Variants in PRKG2 observed in about 807,000 individuals in gnomAD.
The protein encoded by PRKG2 is cGMP-dependent protein kinase 2.
Under a neutral mutation model 97.2 loss-of-function variants are expected in PRKG2, and 33 were observed. The observed-to-expected ratio is 0.34, with a 90% CI of 0.26 to 0.45. The LOEUF (loss-of-function observed/expected upper bound fraction) is 0.45. Ranked by LOEUF, PRKG2 falls within the 20% of genes least tolerant of loss-of-function variation. The pLI is 1.00. For missense variants in PRKG2, 638 were observed against 900.0 expected, an observed-to-expected ratio of 0.71 and a Z score of 3.73; for synonymous variants, 330 against 321.8, an observed-to-expected ratio of 1.03 and a Z score of -0.27.
At chr4:81,176,615 T>C (rs923101427) in intron 2 of PRKG2, among the ~76,000 whole-genome samples, 1 of 152,184 alleles carries the variant, frequency 6.6e-6, no homozygotes, top group African/African-American at 2.4e-5. Context: ...CATATACTAA[T>C]TTTCCAAAGT....
At chr4:81,179,250 C>G (rs556167542) in intron 2 of PRKG2, among the ~76,000 whole-genome samples, 4 of 151,854 alleles carry the variant, frequency 2.6e-5, no homozygotes, top group Non-Finnish European at 4.4e-5. Flanking sequence ...CATATCTAGG[C>G]CTACCATAGT....
upstream of PRKG2, among the ~76,000 whole-genome samples, chr4:81,217,278 TAGC>T (rs987642421): frequency 2.0e-5 from 3 of 151,974 alleles, no homozygotes; most frequent in Non-Finnish European, 2.9e-5. Flanking sequence ...GAATAAAAAA[TAGC>T]AGAGTATGCA....
At chr4:81,115,478 T>C (rs1022144324) in intron 14 of PRKG2, among the ~76,000 whole-genome samples, 6 of 152,198 alleles carry the variant, frequency 3.9e-5, no homozygotes, top group African/African-American at 1.4e-4. Context: ...AGTTTTAGAA[T>C]CAGTTTGCCA....
chr4:81,182,243 A>G (rs1256554432), intron 2 of PRKG2, among the ~76,000 whole-genome samples: 1 of 134,220 alleles, frequency 7.5e-6, no homozygotes, highest in East Asian at 2.5e-4. Flanking sequence ...TCTAGATTAG[A>G]TTGAACATTA....
At position 81,136,565 on chromosome 4, in the gene PRKG2, A is replaced by C. The variant is rs965082199; in HGVS notation, c.1634+828T>G. ...TGTTCACCATCCACAGAGAGACATA[A>C]TACTACCCCAACTTCCCTGCTTTGT... On this transcript the variant is annotated intron_variant, in intron 13 of 18. Transcript: ENST00000264399. Among the ~76,000 whole-genome samples the C allele has an allele frequency of 2.6e-5, 4 of 152,086 alleles. No individual in the cohort carries two copies. In the South Asian group the frequency reaches 8.3e-4, roughly 32 times the overall value.
At chr4:81,147,795 T>TA (rs1439798906) in intron 9 of PRKG2, among the ~76,000 whole-genome samples, 18 of 152,252 alleles carry the variant, frequency 1.2e-4, no homozygotes, top group African/African-American at 4.1e-4. Flanking sequence ...TATTAAGAAT[T>TA]ATTGTTAACA....
At chr4:81,125,121 G>A (rs1255752208) in intron 14 of PRKG2, among the ~76,000 whole-genome samples, 2 of 151,728 alleles carry the variant, frequency 1.3e-5, no homozygotes, top group Non-Finnish European at 2.9e-5. Context: ...TCTTTGTTGG[G>A]TCAATCATAT....
chr4:81,092,597 G>A (rs950746892), intron 17 of PRKG2, 145 bp from the exon 18 acceptor site: 3 of 611,958 alleles, frequency 4.9e-6, no homozygotes, highest in Non-Finnish European at 8.7e-6. Flanking sequence ...GCTTTAAATA[G>A]CACTTATATG....
At chr4:81,213,133 T>C (rs2044211) in intron 1 of PRKG2, among the ~76,000 whole-genome samples, 41,747 of 152,044 alleles carry the variant, frequency 0.27, 6,253 homozygotes, top group African/African-American at 0.4. Context: ...TGGATTTACA[T>C]ATATTGAGTT....
chr4:81,209,134 C>T (rs552274852), intron 1 of PRKG2, among the ~76,000 whole-genome samples: 1 of 152,262 alleles, frequency 6.6e-6, no homozygotes, highest in African/African-American at 2.4e-5. Flanking sequence ...TTAATGTAAT[C>T]GCCATTTAGA....
At chr4:81,151,913 A>T in intron 8 of PRKG2, 47 bp downstream of exon 8, 1 of 1,411,856 alleles carries the variant, frequency 7.1e-7, no homozygotes, top group Non-Finnish European at 9.9e-7. Flanking sequence ...TATAAAAAAT[A>T]GTCGAAGCAT....
Position 81,144,320 on chromosome 4 carries a change from G to T in PRKG2, c.1165C>A (p.Gln389Lys). 2 of 1,608,374 alleles carry T rather than the reference G, an allele frequency of 1.2e-6. No homozygotes were observed. The highest frequency in any genetic ancestry group is 1.7e-6 in the Non-Finnish European group (2 of 1,175,218). ...AGCTCTTCAAATGTACCGACAGTTTGGTTGAATGTTCTAAATAGATAGAAT... is the reference window on the plus strand; with the variant it reads ...AGCTCTTCAAATGTACCGACAGTTTTGTTGAATGTTCTAAATAGATAGAAT... ...CLVIDRETFN[Q>K]TVGTFEELQK... Residue 389 changes from glutamine to lysine, a missense_variant, in exon 10 of 19, where the codon CAA (glutamine) becomes AAA (lysine). Physicochemically the swap from Gln to Lys is moderately conservative, Grantham distance 53 (BLOSUM62 1). Transcript: ENST00000264399.
At chr4:81,154,431 G>GCAGA (rs57879868) in intron 6 of PRKG2, among the ~76,000 whole-genome samples, 1,511 of 149,172 alleles carry the variant, frequency 0.01, 20 homozygotes, top group African/African-American at 0.033. Context: ...CTGAGAACGG[G>GCAGA]CAGACTGCCT....
rs573722256 is a variant in PRKG2 at position 81,097,054 on chromosome 4, A to C, written c.2127-4602T>G. ...TATAGCCTTACAAAATGTATTTCTC[A>C]ATAACAAGACTTTAAATTCATCAAA... On this transcript the variant is annotated intron_variant, in intron 17 of 18. Coordinates refer to ENST00000264399, the MANE Select transcript of PRKG2 (RefSeq NM_006259.3). Among the ~76,000 whole-genome samples the C allele has an allele frequency of 5.3e-5, 8 of 152,196 alleles. No individual in the cohort carries two copies. The South Asian group carries it at 1.7e-3, about 32-fold the overall frequency.
At chr4:81,161,782 C>T (rs1485658717) in intron 6 of PRKG2, among the ~76,000 whole-genome samples, 1 of 152,146 alleles carries the variant, frequency 6.6e-6, no homozygotes, top group African/African-American at 2.4e-5. Flanking sequence ...TAATTCTATG[C>T]TCATGCAACT....
At chr4:81,183,532 G>A (rs1751603229) in intron 2 of PRKG2, among the ~76,000 whole-genome samples, 1 of 152,092 alleles carries the variant, frequency 6.6e-6, no homozygotes, top group Non-Finnish European at 1.5e-5. Context: ...ATGACACCAG[G>A]GCCCTGGGTT....
chr4:81,145,619 G>C (rs1747785492), intron 9 of PRKG2, among the ~76,000 whole-genome samples: 2 of 152,032 alleles, frequency 1.3e-5, no homozygotes, highest in Non-Finnish European at 2.9e-5. Context: ...ATGCCCTTGA[G>C]AAAAAATAAT....
intron 15 of PRKG2, among the ~76,000 whole-genome samples, chr4:81,109,698 G>C (rs1743709521): frequency 6.6e-6 from 1 of 152,292 alleles, no homozygotes; most frequent in East Asian, 1.9e-4. Flanking sequence ...ACACAAGCTT[G>C]TCAGAACTAA....
chr4:81,161,125 C>T (rs1010833072), intron 6 of PRKG2, among the ~76,000 whole-genome samples: 1 of 152,054 alleles, frequency 6.6e-6, no homozygotes, highest in Admixed American at 6.6e-5. Flanking sequence ...AACCTATTTA[C>T]TTTTCTGGAA....
Sources: allele counts gnomAD v4.1 joint callset (sites outside exome capture counted in the v4.1 genomes callset), GRCh38; gene constraint gnomAD v4.1.1; transcripts MANE v1.5; gene names NCBI Gene and HGNC (gene_info 2026-07-23, HGNC 2026-07-21).